RBX1: variants seen among roughly 807,000 people sequenced by gnomAD.
RBX1 encodes the protein E3 ubiquitin-protein ligase RBX1.
For missense variants in RBX1, 46 were observed against 141.4 expected, an observed-to-expected ratio of 0.33 and a Z score of 3.42; for synonymous variants, 48 against 47.9, an observed-to-expected ratio of 1.00 and a Z score of -0.01.
intron 2 of RBX1, 32 bp downstream of exon 2, chr22:40,953,665 GAGA>G: frequency 6.8e-7 from 1 of 1,470,248 alleles, no homozygotes; most frequent in Non-Finnish European, 9.5e-7. Flanking sequence ...GGAGGAAGTT[GAGA>G]AGGTTGCAGA....
At chr22:40,970,070 A>AAG (rs2058364853) in intron 4 of RBX1, among the ~76,000 whole-genome samples, 1 of 150,874 alleles carries the variant, frequency 6.6e-6, no homozygotes, top group Admixed American at 6.6e-5. Flanking sequence ...AAAAAAAAAA[A>AAG]AAAGCCCAGG....
At chr22:40,963,283 T>C (rs759443236) in intron 2 of RBX1, among the ~76,000 whole-genome samples, 15 of 152,154 alleles carry the variant, frequency 9.9e-5, no homozygotes, top group Non-Finnish European at 2.1e-4. Flanking sequence ...TAGTAATTCT[T>C]GTTCTGTGAA....
chr22:40,958,265 C>A (rs1217403298), intron 2 of RBX1, among the ~76,000 whole-genome samples: 5 of 148,886 alleles, frequency 3.4e-5, no homozygotes, highest in African/African-American at 1.2e-4. Context: ...TGGCCACACA[C>A]TTTTATTATA....
At chr22:40,954,921 G>T (rs1285754024) in intron 2 of RBX1, among the ~76,000 whole-genome samples, 1 of 151,936 alleles carries the variant, frequency 6.6e-6, no homozygotes. Context: ...TCAATAGCTG[G>T]GATTACAGGC....
intron 2 of RBX1, among the ~76,000 whole-genome samples, chr22:40,960,690 A>G (rs1198915286): frequency 6.6e-6 from 1 of 152,162 alleles, no homozygotes; most frequent in Non-Finnish European, 1.5e-5. Flanking sequence ...TTTCTCTGCC[A>G]TTCTTTTAAT....
At chr22:40,972,180 C>G (rs1000322240) in intron 4 of RBX1, among the ~76,000 whole-genome samples, 4 of 152,188 alleles carry the variant, frequency 2.6e-5, no homozygotes, top group Admixed American at 1.3e-4. Flanking sequence ...ATGACTTTTC[C>G]CTCTCACCTC....
At chr22:40,951,587 T>G (rs1207504184) in intron 1 of RBX1, 111 bp downstream of exon 1, 65 of 1,007,580 alleles carry the variant, frequency 6.5e-5, no homozygotes, top group Non-Finnish European at 9.3e-5. Context: ...AGGGCGTTCC[T>G]GGGACCGGGT....
chr22:40,969,316 C>T (rs2146304073), intron 4 of RBX1, among the ~76,000 whole-genome samples: 1 of 152,304 alleles, frequency 6.6e-6, no homozygotes, highest in South Asian at 2.1e-4. Flanking sequence ...AAAACAAAGT[C>T]AGTCCCTATT....
chr22:40,956,115 A>G (rs1229701883), intron 2 of RBX1, among the ~76,000 whole-genome samples: 1 of 152,014 alleles, frequency 6.6e-6, no homozygotes, highest in Non-Finnish European at 1.5e-5. Flanking sequence ...TGGATATGAG[A>G]GAATGTACTT....
At chr22:40,962,828 G>C (rs1313380676) in intron 2 of RBX1, among the ~76,000 whole-genome samples, 3 of 150,966 alleles carry the variant, frequency 2.0e-5, no homozygotes, top group African/African-American at 7.3e-5. Context: ...GAGTAGCTGG[G>C]ACTACAGGCA....
intron 2 of RBX1, among the ~76,000 whole-genome samples, chr22:40,958,427 C>T (rs926134113): frequency 1.2e-4 from 18 of 151,990 alleles, no homozygotes; most frequent in African/African-American, 3.9e-4. Context: ...GATTTAGCAA[C>T]GGTTGTATTT....
intron 2 of RBX1, among the ~76,000 whole-genome samples, chr22:40,959,373 CA>C (rs1211110745): frequency 6.6e-6 from 1 of 152,238 alleles, no homozygotes; most frequent in Non-Finnish European, 1.5e-5. Flanking sequence ...CTCTCTGCAA[CA>C]AAAGCTGGAA....
chr22:40,965,146 AC>A (rs1368326936), intron 3 of RBX1, among the ~76,000 whole-genome samples: 2 of 152,080 alleles, frequency 1.3e-5, no homozygotes, highest in Non-Finnish European at 2.9e-5. Context: ...TACTAAAAAT[AC>A]AAAAAATTAG....
intron 2 of RBX1, among the ~76,000 whole-genome samples, chr22:40,959,333 T>C (rs562935840): frequency 1.6e-4 from 24 of 152,318 alleles, no homozygotes; most frequent in Non-Finnish European, 2.8e-4. Context: ...CCTGCCCGTT[T>C]AAACTAACTG....
At chr22:40,969,911 A>G (rs2058364143) in intron 4 of RBX1, among the ~76,000 whole-genome samples, 1 of 151,530 alleles carries the variant, frequency 6.6e-6, no homozygotes, top group African/African-American at 2.4e-5. Flanking sequence ...AAGAAAGAAA[A>G]TTAGCTGGAT....
chr22:40,972,211 A>G (rs1429609669), intron 4 of RBX1, among the ~76,000 whole-genome samples: 25 of 152,160 alleles, frequency 1.6e-4, no homozygotes, highest in Admixed American at 1.4e-3. Flanking sequence ...CCAGGCAGCT[A>G]CTGGCACCTG....
chr22:40,953,611 C>T lies in RBX1; in HGVS notation c.135C>T (p.Cys45=). Residue 45 remains cysteine (C), a synonymous_variant, in exon 2 of 5, where the codon TGC becomes TGT. Coordinates refer to ENST00000216225, the MANE Select transcript of RBX1 (RefSeq NM_014248.4). Reference sequence around the variant, plus strand: ...TTGTGGTTGATAACTGTGCCATCTGCAGGAACCACATTATGGATCTTTGTA... The same window carrying T: ...TTGTGGTTGATAACTGTGCCATCTGTAGGAACCACATTATGGATCTTTGTA... ...WDIVVDNCAI[C]RNHIMDLCIE... is the part of the protein sequence containing the mutation. 6.2e-7 allele frequency: 1 copy of T among 1,609,108 alleles called. No individual in the cohort carries two copies. Among genetic ancestry groups the T allele is most frequent in the Non-Finnish European group, 8.5e-7 (1 of 1,176,110 alleles).
At position 40,963,959 on chromosome 22, in the gene RBX1, T is replaced by C. The variant is rs969322432; in HGVS notation, c.158-88T>C. 3.4e-5 allele frequency: 32 copies of C among 941,998 alleles called. No individual in the cohort carries two copies. In the African/African-American group the frequency reaches 5.0e-4, roughly 15 times the overall value. The allele number at this position is 941,998 out of a possible 1,614,324, so 58.4% of individuals were successfully genotyped here. A position where few individuals can be genotyped will look rare whatever the true frequency, so the allele number is the denominator to read the frequency against. On this transcript the variant is annotated intron_variant, in intron 2 of 4. Transcript: ENST00000216225. ...TTCATTAAAAAACAATTATGGCTAA[T>C]TAACCACTTGAGAATTGTTTTGGCT... is the stretch of plus-strand genomic sequence containing the variant.
At chr22:40,961,507 G>A (rs540042716) in intron 2 of RBX1, among the ~76,000 whole-genome samples, 47 of 151,850 alleles carry the variant, frequency 3.1e-4, no homozygotes, top group Admixed American at 3.9e-4. Context: ...TCCGCCTCCC[G>A]GGTTCACACC....
Sources: allele counts gnomAD v4.1 joint callset (sites outside exome capture counted in the v4.1 genomes callset), GRCh38; gene constraint gnomAD v4.1.1; transcripts MANE v1.5; gene names NCBI Gene and HGNC (gene_info 2026-07-23, HGNC 2026-07-21).